The following OBP2B variants were observed in gnomAD, a reference collection of about 807,000 sequenced individuals.
The protein encoded by OBP2B is odorant binding protein 2B.
Under a neutral mutation model 21.7 loss-of-function variants are expected in OBP2B, and 10 were observed. The ratio of observed to expected loss-of-function variants is 0.46; its 90% CI spans 0.28 to 0.78. OBP2B has a LOEUF of 0.78. Among genes scored for constraint, OBP2B ranks in the 30% least tolerant of loss-of-function variants. OBP2B has a pLI of 0.11. For missense variants in OBP2B, 153 were observed against 217.7 expected (o/e 0.70, Z 1.87); for synonymous variants, 73 against 91.5 (o/e 0.80, Z 1.16).
chr9:133,215,781 G>A, the OBP2B span, among the ~76,000 whole-genome samples: 36 of 152,302 alleles, frequency 2.4e-4, no homozygotes, highest in Middle Eastern at 0.014. Context: ...AGACCTGCAC[G>A]CATATACCCA....
intron 3 of OBP2B, 102 bp downstream of exon 3, chr9:133,208,031 G>T (rs1833795142): frequency 4.8e-6 from 7 of 1,470,550 alleles, no homozygotes; most frequent in Admixed American, 2.0e-5. Context: ...CAGAGCTGGG[G>T]CCCTGGCAAA....
chr9:133,217,355 G>A, the OBP2B span, among the ~76,000 whole-genome samples: 1 of 152,180 alleles, frequency 6.6e-6, no homozygotes. Context: ...CCGGTTCCGA[G>A]GCAATGGAGC....
At chr9:133,213,257 A>G (rs1833937601), upstream of OBP2B, among the ~76,000 whole-genome samples, 1 of 152,124 alleles carries the variant, frequency 6.6e-6, no homozygotes, top group African/African-American at 2.4e-5. Flanking sequence ...AACAAACAAA[A>G]ACATATCAAA....
In OBP2B at chr9:133,207,311, CA is replaced by C. The variant is rs781990458; in HGVS notation, c.302del (p.Leu101ArgfsTer107). ...SAYGGRKLMY[L>X]QELPRRDHYI... ...AGTGGTCCCTCCTGGGCAGCTCCTG[CA>C]GGTACATGAGCTTCCTGCCCCCATC... On this transcript the variant is annotated frameshift_variant, in exon 4 of 7. Transcript: ENST00000372034. LOFTEE classifies it high-confidence loss of function. 3.1e-4 allele frequency: 497 copies of C among 1,613,090 alleles called. 1 individual carries two copies. Among genetic ancestry groups the C allele is most frequent in the Non-Finnish European group, 4.0e-4 (475 of 1,179,186 alleles).
chr9:133,208,031 G>A (rs1833795142), intron 3 of OBP2B, 102 bp downstream of exon 3: 2 of 1,470,674 alleles, frequency 1.4e-6, no homozygotes, highest in Non-Finnish European at 1.8e-6. Context: ...CAGAGCTGGG[G>A]CCCTGGCAAA....
At chr9:133,207,744 C>G in intron 3 of OBP2B, 1 of 807,094 alleles carries the variant, frequency 1.2e-6, no homozygotes, top group South Asian at 1.5e-5. Flanking sequence ...AACCCTTGGC[C>G]CCCGTCCCTA....
At chr9:133,211,390 G>T (rs1351289267), upstream of OBP2B, among the ~76,000 whole-genome samples, 4 of 152,246 alleles carry the variant, frequency 2.6e-5, no homozygotes, top group Non-Finnish European at 4.4e-5. Flanking sequence ...TCAGTGCAGT[G>T]CAAGGGGTGG....
intron 5 of OBP2B, 119 bp downstream of exon 5, chr9:133,206,196 G>A: frequency 8.0e-7 from 1 of 1,255,350 alleles, no homozygotes; most frequent in Non-Finnish European, 1.2e-6. Flanking sequence ...CCCCTGCGAG[G>A]AGACTCGGGG....
At chr9:133,206,066 T>A in intron 5 of OBP2B, 126 bp from the exon 6 acceptor site, 1 of 1,259,750 alleles carries the variant, frequency 7.9e-7, no homozygotes, top group East Asian at 2.3e-5. Context: ...CCAGACCCCA[T>A]CGCAGCCCAG....
chr9:133,215,551 C>T, the OBP2B span, among the ~76,000 whole-genome samples: 1 of 151,854 alleles, frequency 6.6e-6, no homozygotes, highest in Non-Finnish European at 1.5e-5. Flanking sequence ...CAGAGTCTTG[C>T]TCTGTCACCC....
rs138075975 is a variant in OBP2B, at chr9:133,208,137, G to A, written c.273C>T (p.Ser91=). 51 of 1,610,642 alleles carry A rather than the reference G, an allele frequency of 3.2e-5. No individual in the cohort carries two copies. The highest frequency in any genetic ancestry group is 8.3e-5 in the Admixed American group (5 of 59,886). ...GGGAGTGGGGGAGGGGCTCACAGGC[G>A]CTGTATTTGCCAGGCTCCTCCGTCT... ...MRKTEEPGKY[S]AYGGRKLMYL... Residue 91 remains serine, a synonymous_variant, in exon 3 of 7, where the codon AGC becomes AGT. Coordinates refer to ENST00000372034, the MANE Select transcript of OBP2B (RefSeq NM_014581.4).
At chr9:133,212,724 A>C (rs1425862656), upstream of OBP2B, among the ~76,000 whole-genome samples, 1 of 152,222 alleles carries the variant, frequency 6.6e-6, no homozygotes, top group Non-Finnish European at 1.5e-5. Flanking sequence ...TGCGATCAGG[A>C]ATTCGAGACC....
At chr9:133,222,119 TATGTGCTGAGTGTGTCAGTGC>T in the OBP2B span, among the ~76,000 whole-genome samples, 1 of 151,792 alleles carries the variant, frequency 6.6e-6, no homozygotes, top group African/African-American at 2.4e-5. Context: ...TGTCAGTGCG[TATGTGCTGAGTGTGTCAGTGC>T]GTATGTACTG....
At chr9:133,206,193 G>A (rs1358107651) in intron 5 of OBP2B, 122 bp downstream of exon 5, 52 of 1,240,734 alleles carry the variant, frequency 4.2e-5, no homozygotes, top group African/African-American at 4.2e-4. Flanking sequence ...GAGCCCCTGC[G>A]AGGAGACTCG....
intron 6 of OBP2B, 86 bp from the exon 7 acceptor site, chr9:133,205,497 C>A: frequency 1.1e-6 from 1 of 947,086 alleles, no homozygotes; most frequent in East Asian, 2.7e-5. Flanking sequence ...GGCTCTGCAG[C>A]CCCCACATCG....
chr9:133,216,833 T>C, the OBP2B span, among the ~76,000 whole-genome samples: 1 of 152,122 alleles, frequency 6.6e-6, no homozygotes, highest in Non-Finnish European at 1.5e-5. Context: ...GGAGAACAGG[T>C]CTGTCATTGC....
intron 6 of OBP2B, 63 bp from the exon 7 acceptor site, chr9:133,205,474 A>T (rs2119382280): frequency 2.0e-6 from 2 of 1,018,038 alleles, no homozygotes; most frequent in East Asian, 5.3e-5. Flanking sequence ...CCAGGGCCAG[A>T]GCTCCCTCCC....
chr9:133,214,691 A>G, the OBP2B span, among the ~76,000 whole-genome samples: 35 of 152,268 alleles, frequency 2.3e-4, no homozygotes, highest in Non-Finnish European at 1.5e-5. Flanking sequence ...TAATTAGATA[A>G]GCGAGCACTG....
the OBP2B span, among the ~76,000 whole-genome samples, chr9:133,214,386 C>A: frequency 6.6e-6 from 1 of 152,226 alleles, no homozygotes; most frequent in Non-Finnish European, 1.5e-5. Flanking sequence ...GAGGAATGGC[C>A]AGGCCCATGC....
Sources: allele counts gnomAD v4.1 joint callset (sites outside exome capture counted in the v4.1 genomes callset), GRCh38; gene constraint gnomAD v4.1.1; transcripts MANE v1.5; gene names NCBI Gene and HGNC (gene_info 2026-07-23, HGNC 2026-07-21).